The following INO80 variants were observed in gnomAD, a reference collection of about 807,000 sequenced individuals.
INO80 encodes chromatin-remodeling ATPase INO80.
INO80 carries 20 observed loss-of-function variants against 203.4 expected under a neutral mutation model. The observed-to-expected ratio is 0.10, with a 90% CI of 0.07 to 0.14. The LOEUF is 0.14. INO80 is among the 10% of genes least tolerant of loss of function. The probability of loss-of-function intolerance (pLI) is 1.00; values close to 1 mark genes in which losing one functional copy is unlikely to be tolerated. For synonymous variants in INO80, 726 were observed against 685.2 expected (o/e 1.06, Z -0.93); for missense variants, 1,419 against 1,914.4 (o/e 0.74, Z 4.83).
intron 24 of INO80, among the ~76,000 whole-genome samples, chr15:41,032,008 C>CACAGCACAGG (rs2044488943): frequency 5.0e-5 from 3 of 60,600 alleles, no homozygotes; most frequent in Non-Finnish European, 1.1e-4. Context: ...GACAGCACAG[C>CACAGCACAGG]ACAGCACAGC....
At chr15:41,106,245 G>A (rs904645835) in intron 1 of INO80, among the ~76,000 whole-genome samples, 6 of 151,976 alleles carry the variant, frequency 3.9e-5, no homozygotes, top group African/African-American at 1.4e-4. Flanking sequence ...TTAGCCACAC[G>A]TGGTGGCGAG....
At chr15:41,070,123 A>C (rs2045287671) in intron 13 of INO80, among the ~76,000 whole-genome samples, 1 of 152,252 alleles carries the variant, frequency 6.6e-6, no homozygotes. Context: ...GTTAAGTTGA[A>C]AAAGAGGCTA....
chr15:41,048,142 T>A, intron 22 of INO80, 70 bp downstream of exon 22: 1 of 1,176,502 alleles, frequency 8.5e-7, no homozygotes, highest in Non-Finnish European at 1.3e-6. Flanking sequence ...TAAATCAGTC[T>A]CTCAGCAAAA....
intron 1 of INO80, among the ~76,000 whole-genome samples, chr15:41,111,003 A>G (rs1299244111): frequency 6.6e-6 from 1 of 152,236 alleles, no homozygotes; most frequent in African/African-American, 2.4e-5. Context: ...GCAAGGGCTG[A>G]AGATAAGGCA....
Position 40,982,955 on chromosome 15 carries a change from C to T in INO80, c.4360G>A (p.Ala1454Thr). 6.2e-7 allele frequency: 1 copy of T among 1,614,202 alleles called. No homozygotes were observed. Among genetic ancestry groups the T allele is most frequent in the African/African-American group, 1.3e-5 (1 of 75,064 alleles). The change falls in exon 35 of 36, where the codon GCA (alanine) becomes ACA (threonine). Residue 1454 changes from alanine to threonine, a missense_variant. Transcript: ENST00000648947. ...AGKGRSRKST[A>T]GSAAAMAGAK... ...CCTGCCATTGCAGCAGCACTGCCTGCCGTGGACTTTCGGCTCCGGCCCTTC... is the reference window on the plus strand; with the variant it reads ...CCTGCCATTGCAGCAGCACTGCCTGTCGTGGACTTTCGGCTCCGGCCCTTC...
At chr15:41,013,838 A>C (rs1487236174) in intron 27 of INO80, among the ~76,000 whole-genome samples, 1 of 152,244 alleles carries the variant, frequency 6.6e-6, no homozygotes, top group Non-Finnish European at 1.5e-5. Context: ...CAATGTCAGC[A>C]GTTGTGAAAT....
At position 41,116,039 on chromosome 15, in the gene INO80, A is replaced by AG. The variant is rs1222129920; in HGVS notation, c.-111dup. On this transcript the variant is annotated 5_prime_UTR_variant, in exon 1 of 36. The change abolishes the stop of an existing upstream ORF in the 5' untranslated region. Coordinates refer to ENST00000648947, the MANE Select transcript of INO80 (RefSeq NM_017553.3). ...GGGGCGGGGTGCGGGCGGGGTCCGG[A>AG]GGGGGGGGTCGCCCCGCCGACGGTG... 1.4e-4 allele frequency: 56 copies of AG among 390,470 alleles called. No individual in the cohort carries two copies. The South Asian group carries it at 1.7e-3, about 12-fold the overall frequency. 24.2% of individuals were successfully genotyped at this position (390,470 alleles called of 1,614,324 possible). A position where few individuals can be genotyped will look rare whatever the true frequency, so the allele number is the denominator to read the frequency against.
chr15:41,107,395 G>A (rs189071228), intron 1 of INO80, among the ~76,000 whole-genome samples: 2 of 152,176 alleles, frequency 1.3e-5, no homozygotes, highest in Non-Finnish European at 2.9e-5. Flanking sequence ...CGGCTACTTC[G>A]GAGGCTGAGG....
At chr15:41,020,625 TAA>T (rs1298787776) in intron 26 of INO80, among the ~76,000 whole-genome samples, 1 of 123,226 alleles carries the variant, frequency 8.1e-6, no homozygotes, top group East Asian at 2.7e-4. Flanking sequence ...CCTTTCCTAC[TAA>T]GTTTATTTCT....
In INO80 at chr15:41,081,473, G is replaced by A. The variant is rs369701009; in HGVS notation, c.874-400C>T. ...CAGATACAGGAATCATTAGGAGAAA[G>A]ATAAACTAGTCTCCTAAGTGTGATT... is the stretch of plus-strand genomic sequence containing the variant. On this transcript the variant is annotated intron_variant, in intron 7 of 35. Coordinates refer to ENST00000648947, the MANE Select transcript of INO80 (RefSeq NM_017553.3). Among the ~76,000 whole-genome samples, 7 of 152,294 alleles carry A rather than the reference G, an allele frequency of 4.6e-5. No homozygotes were observed. In the East Asian group the frequency reaches 7.7e-4, roughly 17 times the overall value.
intron 9 of INO80, among the ~76,000 whole-genome samples, chr15:41,078,978 TA>T (rs1224264951): frequency 6.6e-6 from 1 of 152,006 alleles, no homozygotes; most frequent in Admixed American, 6.6e-5. Context: ...CTGTCTCTAC[TA>T]AAAATACAAA....
Position 41,085,467 on chromosome 15 carries a change from G to A in INO80, c.775C>T (p.Pro259Ser). 6.2e-7 allele frequency: 1 copy of A among 1,614,188 alleles called. No homozygotes were observed. The highest frequency in any genetic ancestry group is 8.5e-7 in the Non-Finnish European group (1 of 1,180,038). ...KVFAKFSHDA[P>S]PPGTKKKHLS... The stretch of plus-strand genomic sequence containing the variant: ...TGCTTTTTCTTAGTGCCAGGGGGAG[G>A]TGCATCGTGAGAAAACTTGGCAAAG... The change falls in exon 7 of 36, where the codon CCT (proline) becomes TCT (serine). Residue 259 changes from proline to serine, a missense_variant. Physicochemically the swap from Pro to Ser is moderately conservative, Grantham distance 74. This residue lies in a region of INO80 where 323 missense variants were observed against 325.4 expected (regional missense o/e 0.99). Transcript: ENST00000648947.
intron 15 of INO80, among the ~76,000 whole-genome samples, chr15:41,059,257 C>T (rs1035557685): frequency 3.3e-5 from 5 of 151,346 alleles, no homozygotes; most frequent in African/African-American, 9.7e-5. Flanking sequence ...CCACCATGCC[C>T]GGCCACTATA....
At chr15:41,084,154 T>C (rs951140735) in intron 7 of INO80, among the ~76,000 whole-genome samples, 1 of 151,572 alleles carries the variant, frequency 6.6e-6, no homozygotes, top group Admixed American at 6.6e-5. Flanking sequence ...GAATCTCACT[T>C]AAGGGTAAAC....
intron 24 of INO80, chr15:41,027,967 T>A (rs1041858822): frequency 1.3e-5 from 4 of 296,988 alleles, no homozygotes; most frequent in Non-Finnish European, 2.5e-5. Flanking sequence ...TCATTTATAA[T>A]TCTACCTTTT....
intron 17 of INO80, 100 bp from the exon 18 acceptor site, chr15:41,055,464 G>A (rs1465557067): frequency 5.5e-6 from 3 of 543,652 alleles, no homozygotes; most frequent in African/African-American, 1.9e-5. Context: ...TAGTGTGTAA[G>A]TGCCTAGATG....
At chr15:41,061,328 C>G (rs532696619) in intron 14 of INO80, among the ~76,000 whole-genome samples, 1 of 146,906 alleles carries the variant, frequency 6.8e-6, no homozygotes. Flanking sequence ...AAGTTTAGGC[C>G]GGGCACAGTG....
At chr15:41,104,948 C>T (rs1002029650) in intron 1 of INO80, among the ~76,000 whole-genome samples, 2 of 152,160 alleles carry the variant, frequency 1.3e-5, no homozygotes, top group Admixed American at 6.6e-5. Flanking sequence ...AGTGGATACA[C>T]TTAACCAGTG....
At chr15:41,039,527 A>G (rs1423698214) in intron 24 of INO80, among the ~76,000 whole-genome samples, 2 of 152,220 alleles carry the variant, frequency 1.3e-5, no homozygotes, top group Non-Finnish European at 2.9e-5. Flanking sequence ...GTATGCAGTA[A>G]TATGTTTGTA....
Sources: gnomAD v4.1 joint callset for allele counts (sites outside exome capture counted in the v4.1 genomes callset) on GRCh38, gnomAD v4.1.1 for gene constraint, gnomAD v4.1.1 regional missense constraint, MANE v1.5 for transcripts, NCBI Gene and HGNC (gene_info 2026-07-23, HGNC 2026-07-21) for gene names.